PDE3A: variants seen among roughly 807,000 people sequenced by gnomAD.
PDE3A encodes cGMP-inhibited 3',5'-cyclic phosphodiesterase 3A.
Under a neutral mutation model 98.3 loss-of-function variants are expected in PDE3A, and 43 were observed. That is an observed-to-expected ratio of 0.44 (90% confidence interval 0.34 to 0.56). The LOEUF is 0.56. PDE3A is among the 20% of genes least tolerant of loss of function. PDE3A has a pLI of 0.01. For missense variants in PDE3A, 1,427 were observed against 1,440.7 expected, an observed-to-expected ratio of 0.99 and a Z score of 0.15; for synonymous variants, 663 against 567.9, an observed-to-expected ratio of 1.17 and a Z score of -2.38.
chr12:20,389,786 C>T (rs953221241), intron 1 of PDE3A, among the ~76,000 whole-genome samples: 6 of 151,976 alleles, frequency 3.9e-5, no homozygotes, highest in African/African-American at 1.4e-4. Context: ...TGCTCAAATA[C>T]TGTCACCCTC....
chr12:20,442,911 T>C (rs574758071), intron 1 of PDE3A, among the ~76,000 whole-genome samples: 1 of 152,226 alleles, frequency 6.6e-6, no homozygotes, highest in Non-Finnish European at 1.5e-5. Flanking sequence ...CAAAGCAGTG[T>C]CACAGAAAAT....
rs573337988 is a variant in PDE3A at position 20,400,233 on chromosome 12, T to C, written c.960+29989T>C. Among the ~76,000 whole-genome samples the C allele has an allele frequency of 3.9e-5, 6 of 152,170 alleles. No individual in the cohort carries two copies. In the East Asian group the frequency reaches 1.2e-3, roughly 29 times the overall value. On this transcript the variant is annotated intron_variant, in intron 1 of 15. Coordinates refer to ENST00000359062, the MANE Select transcript of PDE3A (RefSeq NM_000921.5). ...CTATTTTTAAAAGTACGGAGCTGCT[T>C]GCTACCTGAAGCCAGAGAGATACTG...
intron 1 of PDE3A, among the ~76,000 whole-genome samples, chr12:20,532,679 T>TTC (rs374604888): frequency 1.6e-5 from 2 of 124,914 alleles, no homozygotes; most frequent in African/African-American, 2.9e-5. Flanking sequence ...GTGTATTAGT[T>TTC]TCTCTCTCTT....
Position 20,370,095 on chromosome 12 carries a change from T to G in PDE3A, c.811T>G (p.Leu271Val), listed in dbSNP as rs991610519. 2 of 1,612,996 alleles carry G rather than the reference T, an allele frequency of 1.2e-6. No individual in the cohort carries two copies. Among genetic ancestry groups the G allele is most frequent in the Non-Finnish European group, 8.5e-7 (1 of 1,179,818 alleles). ...CGCGGAGGCGGCTCCAAGGGAGCATTTGGGGTCCCAGCTGATTGCTGGGAC... is the reference window on the plus strand; with the variant it reads ...CGCGGAGGCGGCTCCAAGGGAGCATGTGGGGTCCCAGCTGATTGCTGGGAC... ...QSAEAAPREH[L>V]GSQLIAGTKE... Residue 271 changes from leucine to valine, a missense_variant, in exon 1 of 16, where the codon TTG becomes GTG. Coordinates refer to ENST00000359062, the MANE Select transcript of PDE3A (RefSeq NM_000921.5).
At chr12:20,564,797 T>C (rs1006866009) in intron 2 of PDE3A, among the ~76,000 whole-genome samples, 1 of 152,168 alleles carries the variant, frequency 6.6e-6, no homozygotes, top group Non-Finnish European at 1.5e-5. Flanking sequence ...TTAGTAGACA[T>C]GTTGTTTAAT....
At chr12:20,499,802 T>A (rs1043080494) in intron 1 of PDE3A, among the ~76,000 whole-genome samples, 2 of 152,200 alleles carry the variant, frequency 1.3e-5, no homozygotes, top group Non-Finnish European at 2.9e-5. Flanking sequence ...TATTACTAGT[T>A]CCTTTATTAT....
rs752079955 is a variant in PDE3A at position 20,621,432 on chromosome 12, A to T, written c.1540+21A>T. 1.0e-5 allele frequency: 13 copies of T among 1,262,290 alleles called. No individual in the cohort carries two copies. The Admixed American group carries it at 2.2e-4, about 21-fold the overall frequency. 78.2% of individuals were successfully genotyped at this position (1,262,290 alleles called of 1,614,324 possible). On this transcript the variant is annotated intron_variant, in intron 5 of 15. Coordinates refer to ENST00000359062, the MANE Select transcript of PDE3A (RefSeq NM_000921.5). ...ACCAGGTAAGTAACTTAACTGGAGA[A>T]GGGTTCATACTGTGAGTGTGGAGTT...
intron 15 of PDE3A, among the ~76,000 whole-genome samples, chr12:20,677,491 G>A (rs565762879): frequency 1.5e-4 from 23 of 151,806 alleles, no homozygotes; most frequent in East Asian, 5.8e-4. Context: ...ACAGAGTCTC[G>A]CTCTGTCACC....
intron 1 of PDE3A, among the ~76,000 whole-genome samples, chr12:20,482,551 A>T (rs1275239361): frequency 2.6e-5 from 4 of 152,228 alleles, no homozygotes; most frequent in African/African-American, 9.6e-5. Flanking sequence ...CTGAGCTATA[A>T]TACACATTAA....
At chr12:20,501,916 T>G (rs1946032918) in intron 1 of PDE3A, among the ~76,000 whole-genome samples, 1 of 152,150 alleles carries the variant, frequency 6.6e-6, no homozygotes, top group Non-Finnish European at 1.5e-5. Flanking sequence ...GATATGATAT[T>G]AAATATATAC....
intron 1 of PDE3A, among the ~76,000 whole-genome samples, chr12:20,463,628 A>G (rs1945290721): frequency 6.6e-6 from 1 of 152,186 alleles, no homozygotes; most frequent in Non-Finnish European, 1.5e-5. Context: ...AGCTGCAAAT[A>G]GAAAATATAT....
In PDE3A at chr12:20,494,303, G is replaced by A. The variant is rs186311129; in HGVS notation, c.961-62357G>A. ...TGACCTTTAACTTTATTGAAGAAGA[G>A]CTTTTAAAATATTTTCTTGATACCA... On this transcript the variant is annotated intron_variant, in intron 1 of 15. Transcript: ENST00000359062. 3.3e-3 allele frequency among the ~76,000 whole-genome samples: 505 copies of A among 152,244 alleles called. 4 individuals carry two copies. Among genetic ancestry groups the A allele is most frequent in the African/African-American group, 0.012 (483 of 41,562 alleles).
intron 15 of PDE3A, among the ~76,000 whole-genome samples, chr12:20,671,739 T>C (rs1447527650): frequency 7.2e-5 from 10 of 139,070 alleles, no homozygotes; most frequent in African/African-American, 1.1e-4. Context: ...CCACAGCCAA[T>C]ATCATACTGA....
chr12:20,542,375 A>G (rs1278182304), intron 1 of PDE3A, among the ~76,000 whole-genome samples: 1 of 151,920 alleles, frequency 6.6e-6, no homozygotes, highest in East Asian at 1.9e-4. Flanking sequence ...CATTTCTAAA[A>G]AAGGAGTTTA....
At chr12:20,574,886 T>G (rs1179904073) in intron 2 of PDE3A, among the ~76,000 whole-genome samples, 1 of 152,010 alleles carries the variant, frequency 6.6e-6, no homozygotes, top group African/African-American at 2.4e-5. Flanking sequence ...CCTCATAATC[T>G]ATTCTACCAA....
intron 8 of PDE3A, among the ~76,000 whole-genome samples, chr12:20,635,643 C>A (rs997295840): frequency 6.6e-6 from 1 of 150,558 alleles, no homozygotes; most frequent in East Asian, 2.0e-4. Context: ...ATCCCAGCTA[C>A]CTGGGAGGCT....
chr12:20,540,193 GCCTC>G (rs1941858947), intron 1 of PDE3A, among the ~76,000 whole-genome samples: 1 of 152,072 alleles, frequency 6.6e-6, no homozygotes, highest in Non-Finnish European at 1.5e-5. Flanking sequence ...GTTTCTCAGA[GCCTC>G]CACTGACCAT....
Position 20,431,242 on chromosome 12 carries a change from C to A in PDE3A, c.960+60998C>A, listed in dbSNP as rs77825013. Among the ~76,000 whole-genome samples, 1,083 of 151,310 alleles carry A rather than the reference C, an allele frequency of 7.2e-3. 11 individuals are homozygous for A. The highest frequency in any genetic ancestry group is 0.025 in the African/African-American group (1,020 of 41,294). On this transcript the variant is annotated intron_variant, in intron 1 of 15. Transcript: ENST00000359062. The stretch of plus-strand genomic sequence containing the variant: ...GAGGCTGTAGGGAGAATGAATGAAC[C>A]AAAAAGAAAAAAAAGGTTTTGCATA...
intron 1 of PDE3A, among the ~76,000 whole-genome samples, chr12:20,508,524 A>G (rs967551239): frequency 1.1e-4 from 16 of 151,896 alleles, no homozygotes; most frequent in African/African-American, 3.6e-4. Flanking sequence ...GTAAACAGCA[A>G]TTTGATCAGA....
Sources: gnomAD v4.1 joint callset for allele counts (sites outside exome capture counted in the v4.1 genomes callset) on GRCh38, gnomAD v4.1.1 for gene constraint, MANE v1.5 for transcripts, NCBI Gene and HGNC (gene_info 2026-07-23, HGNC 2026-07-21) for gene names.